Variants in EML1 observed in about 807,000 individuals in gnomAD.
EML1 encodes the protein echinoderm microtubule-associated protein-like 1.
Under a neutral mutation model 110.4 loss-of-function variants are expected in EML1, and 27 were observed. The ratio of observed to expected loss-of-function variants is 0.24; its 90% CI spans 0.18 to 0.34. EML1 has a LOEUF of 0.34. Ranked by LOEUF, EML1 falls within the 10% of genes least tolerant of loss-of-function variation. EML1 has a pLI of 1.00. For missense variants in EML1, 741 were observed against 1,030.9 expected, an observed-to-expected ratio of 0.72 and a Z score of 3.85; for synonymous variants, 344 against 385.8, an observed-to-expected ratio of 0.89 and a Z score of 1.27.
chr14:99,838,935 G>GCA (rs1476639909), intron 1 of EML1: 2 of 151,542 alleles, frequency 1.3e-5, no homozygotes, highest in Non-Finnish European at 2.9e-5. Flanking sequence ...GTGTGTGCGC[G>GCA]CGCGCGTGCA....
At chr14:99,909,070 G>C (rs1007052444) in intron 10 of EML1, among the ~76,000 whole-genome samples, 3 of 152,176 alleles carry the variant, frequency 2.0e-5, no homozygotes, top group African/African-American at 7.2e-5. Flanking sequence ...GCCTGGCCCT[G>C]GGAGAGGCCC....
intron 1 of EML1, among the ~76,000 whole-genome samples, chr14:99,819,773 G>A (rs771862119): frequency 2.0e-5 from 3 of 152,194 alleles, no homozygotes; most frequent in East Asian, 1.9e-4. Flanking sequence ...CCAGCCTCTC[G>A]CACCGAGCAT....
chr14:99,930,010 A>G (rs1229153586), intron 17 of EML1, among the ~76,000 whole-genome samples: 2 of 152,188 alleles, frequency 1.3e-5, no homozygotes, highest in Non-Finnish European at 2.9e-5. Flanking sequence ...GGAAGGACCA[A>G]CGAGCCCCCA....
intron 1 of EML1, among the ~76,000 whole-genome samples, chr14:99,821,336 T>A (rs1436936152): frequency 2.0e-5 from 3 of 152,186 alleles, no homozygotes; most frequent in Non-Finnish European, 4.4e-5. Flanking sequence ...TTTTTCCTGC[T>A]TTTATATAGA....
chr14:99,868,577 AG>A, intron 3 of EML1, among the ~76,000 whole-genome samples: 1 of 152,114 alleles, frequency 6.6e-6, no homozygotes, highest in African/African-American at 2.4e-5. Context: ...CATTTGCTCT[AG>A]GTCACCCAAT....
At chr14:99,814,877 C>T (rs1346490010) in intron 1 of EML1, among the ~76,000 whole-genome samples, 3 of 152,134 alleles carry the variant, frequency 2.0e-5, no homozygotes, top group South Asian at 2.1e-4. Context: ...AGCATATATG[C>T]TCTTCATTTA....
At chr14:99,911,379 C>T (rs2059943613) in intron 12 of EML1, 43 bp from the exon 13 acceptor site, 1 of 1,544,382 alleles carries the variant, frequency 6.5e-7, no homozygotes, top group African/African-American at 1.4e-5. Flanking sequence ...GCAGAGGCAA[C>T]CTTTTGACAA....
chr14:99,840,334 T>C (rs1292003556), intron 1 of EML1, among the ~76,000 whole-genome samples: 1 of 152,248 alleles, frequency 6.6e-6, no homozygotes, highest in Non-Finnish European at 1.5e-5. Flanking sequence ...TTAATACCTG[T>C]CATTTGGATG....
upstream of EML1, among the ~76,000 whole-genome samples, chr14:99,768,548 G>A (rs1281540381): frequency 6.6e-6 from 1 of 152,164 alleles, no homozygotes; most frequent in Non-Finnish European, 1.5e-5. Flanking sequence ...GAGGAGGTGG[G>A]GGTAAGGCAG....
intron 3 of EML1, among the ~76,000 whole-genome samples, 184 bp from the exon 4 acceptor site, chr14:99,878,301 G>C (rs1433381139): frequency 6.6e-6 from 1 of 152,152 alleles, no homozygotes; most frequent in African/African-American, 2.4e-5. Flanking sequence ...AGTTAAAAAG[G>C]CAGAGAGAGA....
chr14:99,885,005 T>C lies in EML1; in HGVS notation c.519-6194T>C, dbSNP rs369897859. 1.5e-4 allele frequency among the ~76,000 whole-genome samples: 23 copies of C among 152,368 alleles called. 1 individual carries two copies. In the East Asian group the frequency reaches 3.9e-3, roughly 26 times the overall value. The stretch of plus-strand genomic sequence containing the variant: ...CGTAACTGCCTGTTAACTTTATCTG[T>C]GACTCTGTAGCTCTCCTCCCTTCAC... On this transcript the variant is annotated intron_variant, in intron 4 of 21. Transcript: ENST00000262233.
intron 16 of EML1, 51 bp downstream of exon 16, chr14:99,917,900 C>G (rs781056055): frequency 6.4e-7 from 1 of 1,573,194 alleles, no homozygotes; most frequent in Non-Finnish European, 8.7e-7. Context: ...GGAAAAGAGG[C>G]CTGTTGTTTC....
chr14:99,882,713 A>G (rs1265744634), intron 4 of EML1, among the ~76,000 whole-genome samples: 14 of 151,178 alleles, frequency 9.3e-5, no homozygotes, highest in African/African-American at 3.2e-4. Flanking sequence ...AAGAAAGTTT[A>G]CAAATTTGTG....
At chr14:99,764,501 T>G (rs2140191987) in intron 1 of EML1, among the ~76,000 whole-genome samples, 1 of 152,342 alleles carries the variant, frequency 6.6e-6, no homozygotes, top group African/African-American at 2.4e-5. Flanking sequence ...TCTGACAAGC[T>G]CCCAGGTTTA....
At position 99,910,278 on chromosome 14, in the gene EML1, T is replaced by G; in HGVS notation, c.1276T>G (p.Phe426Val). The G allele has an allele frequency of 1.2e-6, 2 of 1,613,400 alleles. No individual in the cohort carries two copies. Among genetic ancestry groups the G allele is most frequent in the Non-Finnish European group, 1.7e-6 (2 of 1,179,704 alleles). ...GCCAAAGTTTGTCCTCTGTGTGACTTTCTCTGAAAACGGTGACACCATTAC... is the reference window on the plus strand; with the variant it reads ...GCCAAAGTTTGTCCTCTGTGTGACTGTCTCTGAAAACGGTGACACCATTAC... ...EKPKFVLCVT[F>V]SENGDTITGD... The change falls in exon 12 of 22, where the codon TTC (phenylalanine) becomes GTC (valine). Residue 426 changes from phenylalanine (F) to valine (V), a missense_variant. By Grantham distance (50) the Phe-to-Val change is conservative. Around this residue, in one of 4 missense-constraint regions of EML1, gnomAD observed 388 missense variants for 605.6 expected, o/e 0.64. Coordinates refer to ENST00000262233, the MANE Select transcript of EML1 (RefSeq NM_004434.3).
intron 2 of EML1, 102 bp downstream of exon 2, chr14:99,851,137 A>T (rs2058791405): frequency 8.3e-7 from 1 of 1,208,270 alleles, no homozygotes; most frequent in African/African-American, 1.5e-5. Context: ...AGAGAATCGA[A>T]ACTTAGAATA....
upstream of EML1, among the ~76,000 whole-genome samples, chr14:99,790,518 T>C (rs1371481610): frequency 6.6e-6 from 1 of 152,148 alleles, no homozygotes; most frequent in African/African-American, 2.4e-5. Flanking sequence ...GAAAACCATC[T>C]TCTAATTATT....
At chr14:99,921,107 T>C (rs576285815) in intron 17 of EML1, among the ~76,000 whole-genome samples, 1 of 152,080 alleles carries the variant, frequency 6.6e-6, no homozygotes, top group Non-Finnish European at 1.5e-5. Flanking sequence ...TGTGTCTTGT[T>C]CCCCGCCCAG....
At chr14:99,878,076 G>T (rs537360478) in intron 3 of EML1, among the ~76,000 whole-genome samples, 1 of 151,142 alleles carries the variant, frequency 6.6e-6, no homozygotes, top group African/African-American at 2.4e-5. Flanking sequence ...TTAATTCGTC[G>T]GCTATCGTTA....
Sources: allele counts gnomAD v4.1 joint callset (sites outside exome capture counted in the v4.1 genomes callset), GRCh38; gene constraint gnomAD v4.1.1; regional missense constraint gnomAD v4.1.1; transcripts MANE v1.5; gene names NCBI Gene and HGNC (gene_info 2026-07-23, HGNC 2026-07-21).